Variants in GUCY2C observed in about 807,000 individuals in gnomAD.
The protein encoded by GUCY2C is guanylate cyclase 2C, also known as guanylyl cyclase C.
In GUCY2C, 118 loss-of-function variants were observed where a neutral mutation model predicts 131.1. The ratio of observed to expected loss-of-function variants is 0.90; its 90% CI spans 0.78 to 1.05. GUCY2C has a LOEUF of 1.05. Ranked by LOEUF, GUCY2C falls within the 50% of genes least tolerant of loss-of-function variation. GUCY2C has a pLI of 0.00. For synonymous variants in GUCY2C, 452 were observed against 457.8 expected, an observed-to-expected ratio of 0.99 and a Z score of 0.16; for missense variants, 1,161 against 1,304.4, an observed-to-expected ratio of 0.89 and a Z score of 1.69.
intron 21 of GUCY2C, among the ~76,000 whole-genome samples, chr12:14,623,239 A>C (rs1231214448): frequency 6.6e-6 from 1 of 152,108 alleles, no homozygotes; most frequent in Non-Finnish European, 1.5e-5. Context: ...TCCCTGCACA[A>C]CCCAGGCCTT....
At chr12:14,625,677 A>G in intron 21 of GUCY2C, 80 bp downstream of exon 21, 1 of 1,411,602 alleles carries the variant, frequency 7.1e-7, no homozygotes, top group Non-Finnish European at 9.8e-7. Context: ...AATATATAAA[A>G]GGAAACAAAT....
chr12:14,653,012 G>T lies in GUCY2C; in HGVS notation c.1473C>A (p.Ile491=), dbSNP rs370320198. The T allele has an allele frequency of 1.1e-5, 18 of 1,607,832 alleles. No individual in the cohort carries two copies. Among genetic ancestry groups the T allele is most frequent in the Non-Finnish European group, 1.5e-5 (18 of 1,174,374 alleles). The change falls in exon 13 of 27, where the codon ATC becomes ATA. Residue 491 remains isoleucine (I), a splice_region_variant and synonymous_variant. Coordinates refer to ENST00000261170, the MANE Select transcript of GUCY2C (RefSeq NM_004963.4). The part of the protein sequence containing the change: ...TNETNHVSLK[I]DDDKRRDTIQ... ...TTGTATCTCGTCTTTTGTCATCATCGATCTGGCACAAGAAAAGGCTAATTA... is the reference window on the plus strand; with the variant it reads ...TTGTATCTCGTCTTTTGTCATCATCTATCTGGCACAAGAAAAGGCTAATTA...
At chr12:14,692,971 T>C (rs539150326) in intron 1 of GUCY2C, among the ~76,000 whole-genome samples, 1 of 152,328 alleles carries the variant, frequency 6.6e-6, no homozygotes, top group South Asian at 2.1e-4. Flanking sequence ...TCTCTTATTT[T>C]TAATTTGGTG....
At chr12:14,634,334 A>T (rs548296705) in intron 19 of GUCY2C, among the ~76,000 whole-genome samples, 26 of 152,350 alleles carry the variant, frequency 1.7e-4, no homozygotes, top group African/African-American at 6.3e-4. Context: ...CAGGCAAGTG[A>T]ATGCTAGGGA....
chr12:14,666,147 C>T (rs1000425569), intron 10 of GUCY2C: 1 of 152,260 alleles, frequency 6.6e-6, no homozygotes, highest in Non-Finnish European at 1.5e-5. Flanking sequence ...ATTTACATAG[C>T]CCTGAAGAAA....
At chr12:14,618,220 C>A (rs943818449) in intron 24 of GUCY2C, among the ~76,000 whole-genome samples, 2 of 152,306 alleles carry the variant, frequency 1.3e-5, no homozygotes, top group African/African-American at 4.8e-5. Flanking sequence ...AAAATCAATT[C>A]TTGGTTGGGT....
At chr12:14,653,724 G>A (rs1947711014) in intron 12 of GUCY2C, among the ~76,000 whole-genome samples, 1 of 152,144 alleles carries the variant, frequency 6.6e-6, no homozygotes, top group Non-Finnish European at 1.5e-5. Context: ...ATAAAAACCT[G>A]AGATGTGTTA....
rs762817624 is a variant in GUCY2C, at chr12:14,660,996, G to C, written c.1349C>G (p.Ala450Gly). 4 of 1,611,214 alleles carry C rather than the reference G, an allele frequency of 2.5e-6. No homozygotes were observed. The highest frequency in any genetic ancestry group is 4.5e-5 in the East Asian group (2 of 44,864). Reference sequence around the variant, plus strand: ...GCGGCTGTACCTGAGCATCAGGAGAGCGACGAGCAGGAGCAGCACCACAGC... The same window carrying C: ...GCGGCTGTACCTGAGCATCAGGAGACCGACGAGCAGGAGCAGCACCACAGC... Reference protein sequence around the residue: ...TGAVVLLLLVALLMLRKYRKD... With the variant: ...TGAVVLLLLVGLLMLRKYRKD... Residue 450 changes from alanine (A) to glycine (G), a missense_variant, in exon 11 of 27, where the codon GCT becomes GGT. Ala to Gly is a moderately conservative substitution (Grantham distance 60). Coordinates refer to ENST00000261170, the MANE Select transcript of GUCY2C (RefSeq NM_004963.4).
intron 1 of GUCY2C, among the ~76,000 whole-genome samples, chr12:14,695,999 T>C (rs1948648368): frequency 6.6e-6 from 1 of 152,142 alleles, no homozygotes. Context: ...CGTGAACACT[T>C]TACATTTCCT....
chr12:14,675,207 C>CAAAAAAAAAAAAAAAA (rs35870014), intron 7 of GUCY2C, among the ~76,000 whole-genome samples: 79 of 34,420 alleles, frequency 2.3e-3, no homozygotes, highest in Non-Finnish European at 3.3e-3. Flanking sequence ...AACTCCATCT[C>CAAAAAAAAAAAAAAAA]AAAAAAAAAA....
rs550301427 is a variant in GUCY2C at position 14,679,114 on chromosome 12, A to G, written c.830+543T>C. On this transcript the variant is annotated intron_variant, in intron 6 of 26. Transcript: ENST00000261170. ...CAAAGGCCATTAGCAACTGAAGGAGAAAAATGGGGCTGACATTACCAGGAA... is the reference window on the plus strand; with the variant it reads ...CAAAGGCCATTAGCAACTGAAGGAGGAAAATGGGGCTGACATTACCAGGAA... 4.6e-5 allele frequency among the ~76,000 whole-genome samples: 7 copies of G among 152,342 alleles called. No individual in the cohort carries two copies. The South Asian group carries it at 1.5e-3, about 32-fold the overall frequency.
intron 10 of GUCY2C, among the ~76,000 whole-genome samples, chr12:14,666,314 T>C (rs901393674): frequency 2.0e-5 from 3 of 152,258 alleles, no homozygotes; most frequent in Non-Finnish European, 4.4e-5. Context: ...TGGGTGGACC[T>C]GGCTTTTAGT....
intron 3 of GUCY2C, among the ~76,000 whole-genome samples, chr12:14,685,130 C>T (rs993070728): frequency 1.3e-5 from 2 of 152,258 alleles, no homozygotes; most frequent in East Asian, 1.9e-4. Context: ...ATGCTTTGCA[C>T]GTAGAAGGTC....
chr12:14,616,915 T>C (rs969625114), intron 24 of GUCY2C, among the ~76,000 whole-genome samples, 188 bp from the exon 25 acceptor site: 5 of 152,228 alleles, frequency 3.3e-5, no homozygotes, highest in African/African-American at 1.2e-4. Flanking sequence ...TTTGGATATT[T>C]GTCCCCACCC....
intron 10 of GUCY2C, among the ~76,000 whole-genome samples, chr12:14,666,657 T>A (rs986390125): frequency 6.7e-6 from 1 of 148,882 alleles, no homozygotes; most frequent in Non-Finnish European, 1.5e-5. Context: ...ATCGCTTGAA[T>A]CCGGGAGGCA....
In GUCY2C at chr12:14,678,762, C is replaced by T. The variant is rs577886673; in HGVS notation, c.830+895G>A. Among the ~76,000 whole-genome samples the T allele has an allele frequency of 5.9e-5, 9 of 152,234 alleles. No individual in the cohort carries two copies. The South Asian group carries it at 1.2e-3, about 21-fold the overall frequency. On this transcript the variant is annotated intron_variant, in intron 6 of 26. Transcript: ENST00000261170. The stretch of plus-strand genomic sequence containing the variant: ...TGGCCCAGTCAGATAAGTGAAGTCA[C>T]GTGATCTGGCTTCTGGGGGCAAGGG...
At chr12:14,667,923 G>A (rs1948014274) in intron 10 of GUCY2C, among the ~76,000 whole-genome samples, 1 of 150,040 alleles carries the variant, frequency 6.7e-6, no homozygotes, top group Admixed American at 6.6e-5. Flanking sequence ...GTTTTCCCAT[G>A]TCATTTAACA....
At chr12:14,663,315 T>A (rs972581117) in intron 10 of GUCY2C, among the ~76,000 whole-genome samples, 1 of 152,244 alleles carries the variant, frequency 6.6e-6, no homozygotes. Flanking sequence ...AGAGTTTTGC[T>A]CTTTTTGCCC....
chr12:14,617,047 A>G (rs1258084103), intron 24 of GUCY2C, among the ~76,000 whole-genome samples: 1 of 151,932 alleles, frequency 6.6e-6, no homozygotes, highest in East Asian at 1.9e-4. Flanking sequence ...TTGTCACAAG[A>G]TCTGGTCATT....
Sources: allele counts gnomAD v4.1 joint callset (sites outside exome capture counted in the v4.1 genomes callset), GRCh38; gene constraint gnomAD v4.1.1; transcripts MANE v1.5; gene names NCBI Gene and HGNC (gene_info 2026-07-23, HGNC 2026-07-21).